CREB5: variants seen among roughly 807,000 people sequenced by gnomAD.
CREB5 encodes cyclic AMP-responsive element-binding protein 5.
In CREB5, 19 loss-of-function variants were observed where a neutral mutation model predicts 57.1. The observed-to-expected ratio is 0.33, with a 90% CI of 0.23 to 0.49. The LOEUF is 0.49. CREB5 is among the 20% of genes least tolerant of loss of function. The pLI is 0.99. For synonymous variants in CREB5, 238 were observed against 238.3 expected, an observed-to-expected ratio of 1.00 and a Z score of 0.01; for missense variants, 579 against 671.6, an observed-to-expected ratio of 0.86 and a Z score of 1.52.
At chr7:28,759,463 G>A (rs1380410219) in intron 7 of CREB5, among the ~76,000 whole-genome samples, 1 of 152,198 alleles carries the variant, frequency 6.6e-6, no homozygotes, top group Non-Finnish European at 1.5e-5. Context: ...CAGATGTGCA[G>A]TGTTCTTTGT....
chr7:28,718,946 C>A, intron 6 of CREB5, 67 bp downstream of exon 6: 1 of 1,603,516 alleles, frequency 6.2e-7, no homozygotes, highest in Non-Finnish European at 8.5e-7. Context: ...CTTGAAAGGG[C>A]AAAGGAAACT....
At chr7:28,660,170 T>C (rs1799544119) in intron 5 of CREB5, among the ~76,000 whole-genome samples, 1 of 152,138 alleles carries the variant, frequency 6.6e-6, no homozygotes, top group African/African-American at 2.4e-5. Flanking sequence ...AGCTTATAGC[T>C]TATCTATAAA....
upstream of CREB5, among the ~76,000 whole-genome samples, chr7:28,411,343 T>C (rs983082249): frequency 5.3e-5 from 8 of 152,218 alleles, no homozygotes; most frequent in African/African-American, 1.4e-4. Context: ...ATTTCCAAAG[T>C]GAGGGAATGT....
At chr7:28,454,293 T>C (rs1789991347) in intron 1 of CREB5, among the ~76,000 whole-genome samples, 1 of 152,146 alleles carries the variant, frequency 6.6e-6, no homozygotes, top group African/African-American at 2.4e-5. Context: ...TAACTTCTGT[T>C]GGAAGTCATT....
intron 5 of CREB5, among the ~76,000 whole-genome samples, chr7:28,598,023 CT>C (rs1796756505): frequency 1.6e-5 from 2 of 121,714 alleles, no homozygotes; most frequent in African/African-American, 6.1e-5. Flanking sequence ...TATTTATGAA[CT>C]TGGCACATGT....
intron 1 of CREB5, among the ~76,000 whole-genome samples, chr7:28,312,154 A>T (rs1785290856): frequency 6.6e-6 from 1 of 151,152 alleles, no homozygotes; most frequent in Non-Finnish European, 1.5e-5. Context: ...TTTTAATTTC[A>T]TTTCATTTTA....
rs142732428 is a variant in CREB5, at chr7:28,794,968, A to G, written c.703-9231A>G. Among the ~76,000 whole-genome samples the G allele has an allele frequency of 3.4e-3, 525 of 152,296 alleles. 5 individuals carry two copies. Among genetic ancestry groups the G allele is most frequent in the African/African-American group, 0.011 (464 of 41,568 alleles). ...TCAGAATTGGGATACTCCCCTAGAG[A>G]AAAATCCAACACTATTAGATATGAT... On this transcript the variant is annotated intron_variant, in intron 7 of 10. Transcript: ENST00000357727.
At chr7:28,600,087 C>A (rs908135493) in intron 5 of CREB5, among the ~76,000 whole-genome samples, 1 of 152,028 alleles carries the variant, frequency 6.6e-6, no homozygotes, top group African/African-American at 2.4e-5. Flanking sequence ...GCTTCCCCAC[C>A]GCCTTTCTTC....
intron 7 of CREB5, among the ~76,000 whole-genome samples, chr7:28,739,488 T>A (rs1368997966): frequency 6.6e-6 from 1 of 152,214 alleles, no homozygotes; most frequent in Non-Finnish European, 1.5e-5. Flanking sequence ...AAGTTATTTT[T>A]AAAAACATAT....
At chr7:28,508,549 G>A (rs894456701) in intron 4 of CREB5, among the ~76,000 whole-genome samples, 24 of 152,274 alleles carry the variant, frequency 1.6e-4, no homozygotes, top group Admixed American at 7.2e-4. Flanking sequence ...TGTTCCATCC[G>A]GAAAAGAAAT....
At chr7:28,767,380 A>G (rs2128773679) in intron 7 of CREB5, among the ~76,000 whole-genome samples, 1 of 152,336 alleles carries the variant, frequency 6.6e-6, no homozygotes, top group Admixed American at 6.5e-5. Flanking sequence ...GCCTCTCTTG[A>G]GTTGATATAT....
intron 1 of CREB5, among the ~76,000 whole-genome samples, chr7:28,406,451 C>T (rs1665883815): frequency 6.6e-6 from 1 of 152,198 alleles, no homozygotes; most frequent in African/African-American, 2.4e-5. Context: ...CTGTGTCCAG[C>T]CTATACTCCT....
intron 5 of CREB5, among the ~76,000 whole-genome samples, chr7:28,581,817 G>T (rs943815243): frequency 3.9e-5 from 6 of 152,320 alleles, no homozygotes; most frequent in Admixed American, 1.3e-4. Flanking sequence ...CTAGAAGCAA[G>T]GGAGGCGCCA....
intron 5 of CREB5, among the ~76,000 whole-genome samples, chr7:28,592,851 G>T (rs1191759592): frequency 6.6e-6 from 1 of 152,168 alleles, no homozygotes; most frequent in Admixed American, 6.6e-5. Context: ...ATCCCTCTGT[G>T]TCTCCGTTTT....
At chr7:28,472,627 G>A (rs1790877575) in intron 1 of CREB5, among the ~76,000 whole-genome samples, 1 of 152,166 alleles carries the variant, frequency 6.6e-6, no homozygotes, top group Non-Finnish European at 1.5e-5. Flanking sequence ...TTTATTGTAT[G>A]AGAAGGTGAG....
rs552519767 is a variant in CREB5, at chr7:28,718,808, C to T, written c.520C>T (p.Pro174Ser). Residue 174 changes from proline to serine, a missense_variant, in exon 6 of 11, where the codon CCC becomes TCC. Pro to Ser is a moderately conservative substitution (Grantham distance 74). Around this residue, in one of 3 missense-constraint regions of CREB5, gnomAD observed 459 missense variants for 515.7 expected, o/e 0.89. Coordinates refer to ENST00000357727, the MANE Select transcript of CREB5 (RefSeq NM_182898.4). ...LLHLHNRQRQ[P>S]MPASMPGTLP... ...ACATCTCCACAACAGACAGAGACAG[C>T]CCATGCCAGCCTCCATGCCTGGGAC... 7 of 1,614,090 alleles carry T rather than the reference C, an allele frequency of 4.3e-6. No individual in the cohort carries two copies. The highest frequency in any genetic ancestry group is 5.9e-6 in the Non-Finnish European group (7 of 1,179,972).
At chr7:28,356,543 G>A (rs921819138) in intron 1 of CREB5, among the ~76,000 whole-genome samples, 8 of 152,174 alleles carry the variant, frequency 5.3e-5, no homozygotes, top group African/African-American at 1.7e-4. Context: ...GGCTTTTGGG[G>A]GCGAACGTGA....
At chr7:28,604,064 A>G (rs1163726979) in intron 5 of CREB5, among the ~76,000 whole-genome samples, 1 of 152,140 alleles carries the variant, frequency 6.6e-6, no homozygotes. Context: ...TGCATCTTCT[A>G]GTTTTTTCAA....
chr7:28,812,123 G>A (rs1809155290), intron 9 of CREB5, among the ~76,000 whole-genome samples: 1 of 152,218 alleles, frequency 6.6e-6, no homozygotes, highest in African/African-American at 2.4e-5. Flanking sequence ...GGTGGTGGTT[G>A]GGAAGGGAGG....
Sources: gnomAD v4.1 joint callset for allele counts (sites outside exome capture counted in the v4.1 genomes callset) on GRCh38, gnomAD v4.1.1 for gene constraint, gnomAD v4.1.1 regional missense constraint, MANE v1.5 for transcripts, NCBI Gene and HGNC (gene_info 2026-07-23, HGNC 2026-07-21) for gene names.